The following ASB3 variants were observed in gnomAD, a reference collection of about 807,000 sequenced individuals.
ASB3 encodes the protein ankyrin repeat and SOCS box protein 3.
Under a neutral mutation model 54.5 loss-of-function variants are expected in ASB3, and 41 were observed. The observed-to-expected ratio is 0.75, with a 90% CI of 0.59 to 0.98. The LOEUF (loss-of-function observed/expected upper bound fraction) is 0.98. ASB3 is among the 50% of genes least tolerant of loss of function. The probability of loss-of-function intolerance (pLI) is 0.00; values close to 1 mark genes in which losing one functional copy is unlikely to be tolerated. For synonymous variants in ASB3, 266 were observed against 221.2 expected, an observed-to-expected ratio of 1.20 and a Z score of -1.80; for missense variants, 733 against 620.0, an observed-to-expected ratio of 1.18 and a Z score of -1.94.
chr2:53,730,490 T>C (rs1671243387), intron 3 of ASB3, among the ~76,000 whole-genome samples: 1 of 152,338 alleles, frequency 6.6e-6, no homozygotes, highest in Middle Eastern at 3.4e-3. Context: ...TGATTGTGAA[T>C]GGTGCTGCAA....
intron 3 of ASB3, among the ~76,000 whole-genome samples, chr2:53,739,126 G>A (rs2103956073): frequency 6.6e-6 from 1 of 152,220 alleles, no homozygotes; most frequent in African/African-American, 2.4e-5. Context: ...ACATTTTCTG[G>A]TTTTGAAAAA....
At chr2:53,728,016 G>A (rs908143629) in intron 5 of ASB3, among the ~76,000 whole-genome samples, 6 of 151,864 alleles carry the variant, frequency 4.0e-5, no homozygotes, top group Non-Finnish European at 7.4e-5. Context: ...ATGAGCAACC[G>A]TGCCTGGCCA....
chr2:53,723,684 T>C (rs1670836934), intron 5 of ASB3, among the ~76,000 whole-genome samples: 1 of 152,186 alleles, frequency 6.6e-6, no homozygotes, highest in African/African-American at 2.4e-5. Flanking sequence ...TTTCAAACTC[T>C]ACTTTAAGGC....
At chr2:53,740,309 G>T (rs1480279115) in intron 3 of ASB3, among the ~76,000 whole-genome samples, 1 of 152,054 alleles carries the variant, frequency 6.6e-6, no homozygotes, top group Admixed American at 6.6e-5. Context: ...ACCAAAAAAG[G>T]AACATTTGTA....
Position 53,714,463 on chromosome 2 carries a change from G to A in ASB3, c.901C>T (p.Arg301Trp), listed in dbSNP as rs757255593. 1.1e-5 allele frequency: 18 copies of A among 1,614,066 alleles called. No homozygotes were observed. The highest frequency in any genetic ancestry group is 5.3e-5 in the African/African-American group (4 of 74,912). ...GHEDCLEILL[R>W]NGYSPDAQAC... ...TGGGCGTCTGGGCTGTAGCCATTCC[G>A]GAGTAATATTTCTAGGCAATCTTCA... The change falls in exon 7 of 10, where the codon CGG becomes TGG. Residue 301 changes from arginine to tryptophan, a missense_variant. Coordinates refer to ENST00000263634, the MANE Select transcript of ASB3 (RefSeq NM_016115.5).
At chr2:53,746,371 C>A (rs1211022104) in intron 3 of ASB3, among the ~76,000 whole-genome samples, 3 of 152,114 alleles carry the variant, frequency 2.0e-5, no homozygotes, top group East Asian at 1.9e-4. Flanking sequence ...AGAGAAGACA[C>A]TGACACCCAT....
chr2:53,694,637 A>G (rs2103735539), intron 8 of ASB3: 1 of 152,188 alleles, frequency 6.6e-6, no homozygotes, highest in East Asian at 1.9e-4. Flanking sequence ...CTACCAACCC[A>G]CTCAAAAGAG....
chr2:53,734,959 G>A (rs1433281962), intron 3 of ASB3, among the ~76,000 whole-genome samples: 2 of 115,916 alleles, frequency 1.7e-5, no homozygotes. Flanking sequence ...TTGCTCTGTT[G>A]CCCAGGCTGG....
At chr2:53,719,518 T>A (rs1670581810) in intron 5 of ASB3, among the ~76,000 whole-genome samples, 1 of 151,982 alleles carries the variant, frequency 6.6e-6, no homozygotes, top group Non-Finnish European at 1.5e-5. Flanking sequence ...GCTGCCCTGC[T>A]CTGGCTGGGA....
chr2:53,760,279 T>C (rs1673071055), intron 2 of ASB3, among the ~76,000 whole-genome samples: 1 of 152,200 alleles, frequency 6.6e-6, no homozygotes, highest in African/African-American at 2.4e-5. Flanking sequence ...AGGGAATTCC[T>C]AACTTCCGAG....
chr2:53,716,759 A>G lies in ASB3; in HGVS notation c.605-16T>C. 7 of 1,603,222 alleles carry G rather than the reference A, an allele frequency of 4.4e-6. No individual in the cohort carries two copies. Among genetic ancestry groups the G allele is most frequent in the Non-Finnish European group, 6.0e-6 (7 of 1,173,352 alleles). On this transcript the variant is annotated splice_polypyrimidine_tract_variant and intron_variant, in intron 5 of 9. Transcript: ENST00000263634. ...ACATTTGCACCTAAGGGTACAAAAT[A>G]AAACATTTAACAGATAACCCTAATA...
At chr2:53,684,511 T>C (rs1254001025) in intron 9 of ASB3, among the ~76,000 whole-genome samples, 1 of 152,216 alleles carries the variant, frequency 6.6e-6, no homozygotes, top group African/African-American at 2.4e-5. Context: ...TCACTGATTA[T>C]GAGAAAGAGC....
At chr2:53,718,758 T>C (rs1055444094) in intron 5 of ASB3, among the ~76,000 whole-genome samples, 4 of 150,566 alleles carry the variant, frequency 2.7e-5, no homozygotes, top group African/African-American at 9.8e-5. Context: ...AGCTGCAATT[T>C]GGATTAAAAA....
chr2:53,737,647 G>T (rs1007440273), intron 3 of ASB3, among the ~76,000 whole-genome samples: 1 of 151,386 alleles, frequency 6.6e-6, no homozygotes, highest in African/African-American at 2.4e-5. Flanking sequence ...GATCAATCCT[G>T]GGTACTTGTG....
At chr2:53,748,950 G>A (rs1182682611) in intron 3 of ASB3, among the ~76,000 whole-genome samples, 3 of 151,932 alleles carry the variant, frequency 2.0e-5, no homozygotes, top group Non-Finnish European at 4.4e-5. Flanking sequence ...TTGCTTTTAG[G>A]AGTTCACACT....
At chr2:53,714,028 G>T (rs1316491358) in intron 7 of ASB3, among the ~76,000 whole-genome samples, 2 of 152,040 alleles carry the variant, frequency 1.3e-5, no homozygotes, top group Non-Finnish European at 2.9e-5. Flanking sequence ...AACGGTAAAT[G>T]ACCTGAAGCA....
At chr2:53,763,722 G>C (rs1673279698) in intron 2 of ASB3, 1 of 163,958 alleles carries the variant, frequency 6.1e-6, no homozygotes, top group East Asian at 1.9e-4. Flanking sequence ...ATATGAAGAA[G>C]AGATGTAACA....
At chr2:53,779,275 C>G (rs1674518416) in intron 1 of ASB3, among the ~76,000 whole-genome samples, 1 of 152,082 alleles carries the variant, frequency 6.6e-6, no homozygotes, top group Non-Finnish European at 1.5e-5. Flanking sequence ...CTTTTATATT[C>G]TGAATTTTAA....
At chr2:53,727,622 C>A (rs1348244645) in intron 5 of ASB3, among the ~76,000 whole-genome samples, 1 of 152,174 alleles carries the variant, frequency 6.6e-6, no homozygotes, top group Non-Finnish European at 1.5e-5. Flanking sequence ...GGTGATGGAG[C>A]AAGGCCTGGC....
Sources: allele counts gnomAD v4.1 joint callset (sites outside exome capture counted in the v4.1 genomes callset), GRCh38; gene constraint gnomAD v4.1.1; transcripts MANE v1.5; gene names NCBI Gene and HGNC (gene_info 2026-07-23, HGNC 2026-07-21).